Variants in PRDM11 observed in about 807,000 individuals in gnomAD.
PRDM11 encodes the protein PR domain-containing protein 11.
In PRDM11, 20 loss-of-function variants were observed where a neutral mutation model predicts 97.8. The ratio of observed to expected loss-of-function variants is 0.20; its 90% CI spans 0.14 to 0.30. The LOEUF is 0.30. Ranked by LOEUF, PRDM11 falls within the 10% of genes least tolerant of loss-of-function variation. The pLI is 1.00. For synonymous variants in PRDM11, 599 were observed against 637.7 expected (o/e 0.94, Z 0.91); for missense variants, 1,139 against 1,555.2 (o/e 0.73, Z 4.50).
chr11:45,135,986 T>C (rs897585846), intron 1 of PRDM11, among the ~76,000 whole-genome samples: 1 of 152,156 alleles, frequency 6.6e-6, no homozygotes, highest in Non-Finnish European at 1.5e-5. Context: ...GATGAGATCC[T>C]AGAACAGAAA....
intron 5 of PRDM11, among the ~76,000 whole-genome samples, chr11:45,210,521 G>A (rs991226115): frequency 2.2e-4 from 34 of 152,342 alleles, no homozygotes; most frequent in Non-Finnish European, 4.1e-4. Context: ...TGACCGGCTC[G>A]TGAGTGGTGG....
upstream of PRDM11, among the ~76,000 whole-genome samples, chr11:45,142,164 G>A (rs752642456): frequency 3.9e-4 from 59 of 152,108 alleles, no homozygotes; most frequent in African/African-American, 1.1e-3. Context: ...ATCAAGTTCC[G>A]GGTCTCCCCA....
chr11:45,151,986 C>T (rs867491031), intron 1 of PRDM11, among the ~76,000 whole-genome samples: 26 of 152,310 alleles, frequency 1.7e-4, no homozygotes, highest in African/African-American at 6.0e-4. Flanking sequence ...CCCTAGATCA[C>T]TCTTACCCCA....
At chr11:45,164,378 C>A (rs546769051) in intron 1 of PRDM11, among the ~76,000 whole-genome samples, 3 of 152,372 alleles carry the variant, frequency 2.0e-5, no homozygotes, top group Admixed American at 6.5e-5. Context: ...GCGGGCCTCC[C>A]CTCCCTCCTG....
chr11:45,224,678 C>T lies in PRDM11; in HGVS notation c.1204C>T (p.Pro402Ser), dbSNP rs1554975475. 1.1e-5 allele frequency: 18 copies of T among 1,614,154 alleles called. No homozygotes were observed. In the South Asian group the frequency reaches 2.0e-4, roughly 18 times the overall value. Residue 402 changes from proline to serine, a missense_variant, in exon 7 of 8, where the codon CCT (proline) becomes TCT (serine). This residue lies in a region of PRDM11 where 710 missense variants were observed against 1,044.9 expected (regional missense o/e 0.68). Coordinates refer to ENST00000683152, the MANE Select transcript of PRDM11 (RefSeq NM_001384648.1). ...TGCCGAGGCCTCCCTTGCATCTGACCCTCATGAACTTCCCACCACCTCTTT... is the reference window on the plus strand; with the variant it reads ...TGCCGAGGCCTCCCTTGCATCTGACTCTCATGAACTTCCCACCACCTCTTT... ...SPAEASLASD[P>S]HELPTTSFCP...
intron 4 of PRDM11, among the ~76,000 whole-genome samples, chr11:45,204,218 G>A (rs1446981886): frequency 6.6e-6 from 1 of 152,210 alleles, no homozygotes; most frequent in African/African-American, 2.4e-5. Flanking sequence ...TTCAAACCCT[G>A]AGGCTCTTGA....
At chr11:45,156,898 A>G (rs1334343242) in intron 1 of PRDM11, among the ~76,000 whole-genome samples, 1 of 152,182 alleles carries the variant, frequency 6.6e-6, no homozygotes, top group African/African-American at 2.4e-5. Flanking sequence ...CAGTATGTGC[A>G]AAGGCAGGAA....
chr11:45,108,514 G>C (rs955549923), intron 1 of PRDM11, among the ~76,000 whole-genome samples: 1 of 152,184 alleles, frequency 6.6e-6, no homozygotes, highest in East Asian at 1.9e-4. Flanking sequence ...CTGCACTCTC[G>C]GCTGGCATTT....
intron 1 of PRDM11, among the ~76,000 whole-genome samples, chr11:45,172,567 A>G (rs1407525884): frequency 6.6e-6 from 1 of 152,174 alleles, no homozygotes; most frequent in Non-Finnish European, 1.5e-5. Context: ...AACCAGGGAC[A>G]AAGACCAAAT....
chr11:45,124,898 A>C (rs1284171640), intron 1 of PRDM11, among the ~76,000 whole-genome samples: 2 of 152,188 alleles, frequency 1.3e-5, no homozygotes, highest in Non-Finnish European at 2.9e-5. Context: ...TGATTGGAAT[A>C]GTTTCAGAAG....
chr11:45,191,117 T>C (rs776988619), intron 4 of PRDM11, among the ~76,000 whole-genome samples: 1 of 152,210 alleles, frequency 6.6e-6, no homozygotes, highest in Non-Finnish European at 1.5e-5. Context: ...TAGAAAAGTC[T>C]CCCCTGTATT....
chr11:45,219,460 C>T lies in PRDM11; in HGVS notation c.555-110C>T, dbSNP rs986072630. Reference sequence around the variant, plus strand: ...CTCTGCTGATGTTCACATGGGCCCACGTGCCTGTGGACTTCTAACCATCCA... The same window carrying T: ...CTCTGCTGATGTTCACATGGGCCCATGTGCCTGTGGACTTCTAACCATCCA... On this transcript the variant is annotated intron_variant, in intron 5 of 7. Transcript: ENST00000683152. The surrounding 1 kb of genome is among the most constrained non-coding windows in gnomAD (Gnocchi z 4.2). 37 of 1,091,998 alleles carry T rather than the reference C, an allele frequency of 3.4e-5. No homozygotes were observed. Among genetic ancestry groups the T allele is most frequent in the Middle Eastern group, 2.2e-4 (1 of 4,646 alleles). The allele number at this position is 1,091,998 out of a possible 1,614,324, so 67.6% of individuals were successfully genotyped here.
intron 1 of PRDM11, among the ~76,000 whole-genome samples, chr11:45,158,782 C>G (rs2135699517): frequency 6.6e-6 from 1 of 152,240 alleles, no homozygotes; most frequent in African/African-American, 2.4e-5. Context: ...GCTGAGACCT[C>G]CTTGCTTCTC....
At chr11:45,158,769 C>G (rs1025084783) in intron 1 of PRDM11, among the ~76,000 whole-genome samples, 41 of 152,214 alleles carry the variant, frequency 2.7e-4, no homozygotes, top group Middle Eastern at 6.8e-3. Flanking sequence ...ACTGTGCAGG[C>G]CTGCTGAGAC....
Position 45,228,254 on chromosome 11 carries a change from ATTATATTATAT to A in PRDM11, c.*97_*107del, listed in dbSNP as rs1482570870. 3.4e-6 allele frequency: 1 copy of A among 293,038 alleles called. No homozygotes were observed. The highest frequency in any genetic ancestry group is 5.1e-6 in the Non-Finnish European group (1 of 197,384). The allele number at this position is 293,038 out of a possible 1,614,324, so 18.2% of individuals were successfully genotyped here. On this transcript the variant is annotated 3_prime_UTR_variant, in exon 8 of 8. Transcript: ENST00000683152. ...ATTATATAAATATATATTATATTAT[ATTATATTATAT>A]TATATATATATATATATATAAACTC...
intron 1 of PRDM11, among the ~76,000 whole-genome samples, chr11:45,134,042 C>G (rs1428824809): frequency 6.6e-6 from 1 of 152,200 alleles, no homozygotes; most frequent in African/African-American, 2.4e-5. Flanking sequence ...TCTCTATACA[C>G]CCCCAGAGGG....
At chr11:45,146,584 C>T (rs1028468282), upstream of PRDM11, 13 of 152,160 alleles carry the variant, frequency 8.5e-5, no homozygotes, top group African/African-American at 3.1e-4. Context: ...CGGCTCCGGC[C>T]CCTGAATTGG....
chr11:45,163,335 A>G (rs760757242), intron 1 of PRDM11, among the ~76,000 whole-genome samples: 1 of 152,210 alleles, frequency 6.6e-6, no homozygotes, highest in Non-Finnish European at 1.5e-5. Context: ...TTTCTTTTCA[A>G]TAACGAGCCC....
chr11:45,212,871 A>G (rs1190740504), intron 5 of PRDM11: 1 of 434,860 alleles, frequency 2.3e-6, no homozygotes, highest in Non-Finnish European at 4.7e-6. Context: ...ACGCTGACAG[A>G]GATCCGGGAT....
Sources: allele counts gnomAD v4.1 joint callset (sites outside exome capture counted in the v4.1 genomes callset), GRCh38; gene constraint gnomAD v4.1.1; regional missense constraint gnomAD v4.1.1; non-coding constraint Gnocchi (gnomAD v3.1); transcripts MANE v1.5; gene names NCBI Gene and HGNC (gene_info 2026-07-23, HGNC 2026-07-21).